The following EPHA6 variants were observed in gnomAD, a reference collection of about 807,000 sequenced individuals.
EPHA6 encodes EPH receptor A6.
Under a neutral mutation model 112.0 loss-of-function variants are expected in EPHA6, and 50 were observed. The ratio of observed to expected loss-of-function variants is 0.45; its 90% confidence interval spans 0.36 to 0.56. The LOEUF (loss-of-function observed/expected upper bound fraction) is 0.56, where lower values mean the gene tolerates loss of function less well. Among genes scored for constraint, EPHA6 ranks in the 20% least tolerant of loss-of-function variants. The pLI is 0.00. For missense variants in EPHA6, 1,280 were observed against 1,417.4 expected (o/e 0.90, Z 1.56); for synonymous variants, 529 against 490.7 (o/e 1.08, Z -1.03).
At chr3:96,975,897 C>A (rs2042503338) in intron 2 of EPHA6, among the ~76,000 whole-genome samples, 7 of 152,146 alleles carry the variant, frequency 4.6e-5, no homozygotes, top group African/African-American at 1.7e-4. Flanking sequence ...TAACTCTTTT[C>A]TACATTATAT....
In EPHA6 at chr3:97,761,520, T is replaced by C; in HGVS notation, c.*12819T>C. 1 of 173,942 alleles carries C rather than the reference T, an allele frequency of 5.7e-6. No individual in the cohort carries two copies. Among genetic ancestry groups the C allele is most frequent in the Non-Finnish European group, 1.2e-5 (1 of 80,362 alleles). The allele number at this position is 173,942 out of a possible 1,614,324, so 10.8% of individuals were successfully genotyped here. On this transcript the variant is annotated 3_prime_UTR_variant, in exon 18 of 18. Transcript: ENST00000389672. ...TCTATTGGCAAATAAAAGTTACAGC[T>C]TTGGTGGTTGAATTTGTGACTTTTT...
intron 11 of EPHA6, among the ~76,000 whole-genome samples, chr3:97,535,853 T>TA (rs71113859): frequency 9.2e-5 from 14 of 152,276 alleles, no homozygotes; most frequent in Admixed American, 2.0e-4. Context: ...CATTTTTTTT[T>TA]ATCTCATATA....
At chr3:97,401,193 A>T (rs1296831248) in intron 5 of EPHA6, among the ~76,000 whole-genome samples, 1 of 151,554 alleles carries the variant, frequency 6.6e-6, no homozygotes, top group Non-Finnish European at 1.5e-5. Flanking sequence ...TTTGTCCTTC[A>T]TTCTGTTGAT....
Position 97,758,914 on chromosome 3 carries a change from C to A in EPHA6, c.*10213C>A, listed in dbSNP as rs554613312. Among the ~76,000 whole-genome samples, 2 of 151,856 alleles carry A rather than the reference C, an allele frequency of 1.3e-5. No individual in the cohort carries two copies. Among genetic ancestry groups the A allele is most frequent in the African/African-American group, 4.8e-5 (2 of 41,398 alleles). ...TGAGGCAAAAAGAGGAGAAGGTATA[C>A]GCATGAGGCTACTGGAGTAATTCCA... On this transcript the variant is annotated 3_prime_UTR_variant, in exon 18 of 18. Coordinates refer to ENST00000389672, the MANE Select transcript of EPHA6 (RefSeq NM_001080448.3).
chr3:97,661,639 G>A (rs1452038718), intron 14 of EPHA6, among the ~76,000 whole-genome samples: 1 of 152,054 alleles, frequency 6.6e-6, no homozygotes, highest in African/African-American at 2.4e-5. Context: ...GGTAATTATT[G>A]AATCTTAGCT....
intron 2 of EPHA6, among the ~76,000 whole-genome samples, chr3:96,922,373 T>C (rs1053419442): frequency 6.6e-6 from 1 of 152,128 alleles, no homozygotes; most frequent in Admixed American, 6.5e-5. Flanking sequence ...GGGAAAGAAC[T>C]GTTCAGATGA....
At chr3:97,109,408 C>G (rs1304637926) in intron 3 of EPHA6, among the ~76,000 whole-genome samples, 1 of 152,096 alleles carries the variant, frequency 6.6e-6, no homozygotes, top group Non-Finnish European at 1.5e-5. Flanking sequence ...CCTAGTTCAG[C>G]CCAGTGGAAC....
intron 6 of EPHA6, among the ~76,000 whole-genome samples, chr3:97,423,540 T>A (rs1410689292): frequency 6.6e-6 from 1 of 152,168 alleles, no homozygotes; most frequent in African/African-American, 2.4e-5. Context: ...ATGTACAGGA[T>A]AGAAAGAATT....
At chr3:97,386,048 C>T (rs2086047718) in intron 5 of EPHA6, among the ~76,000 whole-genome samples, 1 of 152,140 alleles carries the variant, frequency 6.6e-6, no homozygotes, top group African/African-American at 2.4e-5. Context: ...GTCCTTCTCA[C>T]ATTTCAAAAC....
Position 96,814,950 on chromosome 3 carries a change from C to T in EPHA6, c.327C>T (p.Phe109=), listed in dbSNP as rs765631591. The part of the protein sequence containing the change: ...EVREFLLQFG[F]FLPLLTAWPG... Reference sequence around the variant, plus strand: ...GGGAATTTCTTTTGCAATTTGGTTTCTTCTTGCCTCTGCTGACAGCGTGGC... The same window carrying T: ...GGGAATTTCTTTTGCAATTTGGTTTTTTCTTGCCTCTGCTGACAGCGTGGC... The change falls in exon 1 of 18, where the codon TTC becomes TTT. Residue 109 remains phenylalanine, a synonymous_variant. Coordinates refer to ENST00000389672, the MANE Select transcript of EPHA6 (RefSeq NM_001080448.3). The T allele has an allele frequency of 4.5e-6, 7 of 1,549,758 alleles. No homozygotes were observed. The South Asian group carries it at 8.3e-5, about 18-fold the overall frequency.
At chr3:97,498,688 G>A (rs1697591530) in intron 10 of EPHA6, among the ~76,000 whole-genome samples, 1 of 152,146 alleles carries the variant, frequency 6.6e-6, no homozygotes, top group African/African-American at 2.4e-5. Context: ...CCCCCAGGCT[G>A]TGGGCTTCAC....
chr3:97,597,068 A>G (rs1004444989), intron 12 of EPHA6, among the ~76,000 whole-genome samples: 12 of 151,742 alleles, frequency 7.9e-5, no homozygotes, highest in Admixed American at 2.0e-4. Context: ...TATGAAAGAG[A>G]GAACTAGGAA....
chr3:97,377,036 ACTGTGTAATG>A (rs2085406252), intron 5 of EPHA6, among the ~76,000 whole-genome samples: 1 of 152,194 alleles, frequency 6.6e-6, no homozygotes, highest in South Asian at 2.1e-4. Context: ...ATTCTCCTGC[ACTGTGTAATG>A]CTAAATCTTG....
chr3:97,217,773 A>C (rs1420893291), intron 3 of EPHA6, among the ~76,000 whole-genome samples: 1 of 152,228 alleles, frequency 6.6e-6, no homozygotes, highest in Non-Finnish European at 1.5e-5. Flanking sequence ...AAGAAGTATA[A>C]AATTTCTGTA....
At chr3:97,206,791 A>G (rs148570387) in intron 3 of EPHA6, among the ~76,000 whole-genome samples, 44 of 152,260 alleles carry the variant, frequency 2.9e-4, no homozygotes, top group African/African-American at 9.9e-4. Flanking sequence ...CTGAATGAAT[A>G]GTAACTACAA....
At chr3:96,991,926 C>T (rs952391630) in intron 3 of EPHA6, among the ~76,000 whole-genome samples, 1 of 152,140 alleles carries the variant, frequency 6.6e-6, no homozygotes, top group South Asian at 2.1e-4. Flanking sequence ...TTGTGAAGTG[C>T]AACTGGTGTT....
intron 3 of EPHA6, among the ~76,000 whole-genome samples, chr3:97,159,992 A>G (rs2076375250): frequency 6.6e-6 from 1 of 152,150 alleles, no homozygotes; most frequent in Admixed American, 6.5e-5. Flanking sequence ...ATGGTGCCAT[A>G]TTGGGGACTC....
At chr3:97,604,804 T>C (rs1015699552) in intron 12 of EPHA6, among the ~76,000 whole-genome samples, 5 of 151,682 alleles carry the variant, frequency 3.3e-5, no homozygotes, top group African/African-American at 4.8e-5. Context: ...ATATAACTAA[T>C]TTAGGATTAA....
chr3:97,182,945 C>T (rs932167218), intron 3 of EPHA6, among the ~76,000 whole-genome samples: 1 of 151,932 alleles, frequency 6.6e-6, no homozygotes, highest in Non-Finnish European at 1.5e-5. Flanking sequence ...ATGTTTAAAC[C>T]TGGCCAATTT....
Sources: gnomAD v4.1 joint callset for allele counts (sites outside exome capture counted in the v4.1 genomes callset) on GRCh38, gnomAD v4.1.1 for gene constraint, MANE v1.5 for transcripts, NCBI Gene and HGNC (gene_info 2026-07-23, HGNC 2026-07-21) for gene names.